Variants in PDCD11 observed in about 807,000 individuals in gnomAD.
PDCD11 encodes programmed cell death 11, also known as protein RRP5 homolog.
Under a neutral mutation model 198.9 loss-of-function variants are expected in PDCD11, and 97 were observed. The observed-to-expected ratio is 0.49, with a 90% CI of 0.41 to 0.58. PDCD11 has a LOEUF of 0.58. Ranked by LOEUF, PDCD11 falls within the 20% of genes least tolerant of loss-of-function variation. The probability of loss-of-function intolerance (pLI) is 0.00; values close to 1 mark genes in which losing one functional copy is unlikely to be tolerated. For synonymous variants in PDCD11, 893 were observed against 918.0 expected (o/e 0.97, Z 0.49); for missense variants, 2,102 against 2,312.7 (o/e 0.91, Z 1.87).
intron 2 of PDCD11, among the ~76,000 whole-genome samples, chr10:103,398,955 A>G (rs1229585884): frequency 1.3e-5 from 2 of 152,196 alleles, no homozygotes; most frequent in Non-Finnish European, 2.9e-5. Flanking sequence ...TGGAGGTTGC[A>G]CTGACCCAAT....
chr10:103,427,464 A>G (rs1334959218), intron 21 of PDCD11, 73 bp downstream of exon 21: 37 of 1,239,756 alleles, frequency 3.0e-5, no homozygotes, highest in Non-Finnish European at 8.0e-6. Context: ...CCGAATTCGA[A>G]TCTTGATTTT....
chr10:103,431,388 C>T (rs1369294849), intron 21 of PDCD11, among the ~76,000 whole-genome samples: 13 of 151,816 alleles, frequency 8.6e-5, no homozygotes, highest in African/African-American at 2.2e-4. Flanking sequence ...GTCAGGAGTT[C>T]GAGACCAGCC....
chr10:103,438,760 T>C lies in PDCD11; in HGVS notation c.3977T>C (p.Leu1326Pro), dbSNP rs1367426005. The C allele has an allele frequency of 3.1e-6, 5 of 1,614,072 alleles. No individual in the cohort carries two copies. Among genetic ancestry groups the C allele is most frequent in the Non-Finnish European group, 4.2e-6 (5 of 1,180,036 alleles). ...ATCCAGGACATTAAGGAAGGGCAGC[T>C]TCTGAGGGGCTATGTAGGGTCCATC... ...NSIQDIKEGQ[L>P]LRGYVGSIQP... is the part of the protein sequence containing the mutation. Residue 1326 changes from leucine (L) to proline (P), a missense_variant, in exon 27 of 36, where the codon CTT (leucine) becomes CCT (proline). By Grantham distance (98) the Leu-to-Pro change is moderately conservative. Transcript: ENST00000369797.
chr10:103,406,731 C>T lies in PDCD11; in HGVS notation c.811C>T (p.Gln271Ter). 1.2e-6 allele frequency: 2 copies of T among 1,614,166 alleles called. No individual in the cohort carries two copies. Among genetic ancestry groups the T allele is most frequent in the Non-Finnish European group, 1.7e-6 (2 of 1,180,016 alleles). The change falls in exon 7 of 36, where the codon CAG becomes TAG. Residue 271 changes from glutamine to a stop codon, truncating the protein, a stop_gained. Coordinates refer to ENST00000369797, the MANE Select transcript of PDCD11 (RefSeq NM_014976.2). LOFTEE classifies it high-confidence loss of function. Reference sequence around the variant, plus strand: ...TTCTACGGCCATTGCTACTGAACAGCAGAGCTGGAACCTTAATAACTTGCT... The same window carrying T: ...TTCTACGGCCATTGCTACTGAACAGTAGAGCTGGAACCTTAATAACTTGCT... ...EVSTAIATEQ[Q>*]SWNLNNLLPG...
chr10:103,407,685 C>T (rs1477589032), intron 7 of PDCD11, among the ~76,000 whole-genome samples: 1 of 152,138 alleles, frequency 6.6e-6, no homozygotes, highest in Non-Finnish European at 1.5e-5. Context: ...GCTGGGATTA[C>T]AGGCATGAGT....
intron 20 of PDCD11, among the ~76,000 whole-genome samples, chr10:103,426,455 A>T (rs757906643): frequency 6.6e-6 from 1 of 152,228 alleles, no homozygotes; most frequent in African/African-American, 2.4e-5. Context: ...GAATTGGAGT[A>T]TATAGACTGT....
Position 103,405,147 on chromosome 10 carries a change from C to CA in PDCD11, c.529dup (p.Arg177LysfsTer6). On this transcript the variant is annotated frameshift_variant, in exon 5 of 36. Coordinates refer to ENST00000369797, the MANE Select transcript of PDCD11 (RefSeq NM_014976.2). LOFTEE classifies it high-confidence loss of function. ...TGTCTCTGAACCCCAAAAATGTCAACAGAGTGCTGAGTGCTGAGGCCCTGA... is the reference window on the plus strand; with the variant it reads ...TGTCTCTGAACCCCAAAAATGTCAACAAGAGTGCTGAGTGCTGAGGCCCTGA... The CA allele has an allele frequency of 6.2e-7, 1 of 1,613,966 alleles. No homozygotes were observed. The highest frequency in any genetic ancestry group is 1.1e-5 in the South Asian group (1 of 91,054).
rs773286977 is a variant in PDCD11, at chr10:103,434,842, G to A, written c.3712G>A (p.Val1238Met). The A allele has an allele frequency of 6.2e-7, 1 of 1,612,332 alleles. No homozygotes were observed. Among genetic ancestry groups the A allele is most frequent in the African/African-American group, 1.3e-5 (1 of 74,740 alleles). ...AGGGGAAGTGGCCATGGGCCGAGTG[G>A]TGAAGGTGACTCCCAACGAGGGGCT... ...EEGEVAMGRV[V>M]KVTPNEGLTV... The change falls in exon 25 of 36, where the codon GTG (valine) becomes ATG (methionine). Residue 1238 changes from valine (V) to methionine (M), a missense_variant. Coordinates refer to ENST00000369797, the MANE Select transcript of PDCD11 (RefSeq NM_014976.2).
At position 103,438,733 on chromosome 10, in the gene PDCD11, C is replaced by A; in HGVS notation, c.3950C>A (p.Ser1317Tyr). Residue 1317 changes from serine (S) to tyrosine (Y), a missense_variant, in exon 27 of 36, where the codon TCC becomes TAC. Transcript: ENST00000369797. The stretch of plus-strand genomic sequence containing the variant: ...AAAGTAGAAGATCCAGAGATTAACT[C>A]CATCCAGGACATTAAGGAAGGGCAG... ...KSKVEDPEIN[S>Y]IQDIKEGQLL... The A allele has an allele frequency of 1.2e-6, 2 of 1,614,140 alleles. No homozygotes were observed. Among genetic ancestry groups the A allele is most frequent in the Non-Finnish European group, 1.7e-6 (2 of 1,180,012 alleles).
chr10:103,413,016 A>G (rs753003449), intron 8 of PDCD11, 100 bp from the exon 9 acceptor site: 9 of 859,846 alleles, frequency 1.0e-5, no homozygotes, highest in Non-Finnish European at 1.4e-5. Flanking sequence ...GAGTACTCAC[A>G]TACCTGGTTA....
chr10:103,432,814 C>T (rs1310276328), intron 22 of PDCD11, among the ~76,000 whole-genome samples: 1 of 152,220 alleles, frequency 6.6e-6, no homozygotes, highest in East Asian at 1.9e-4. Context: ...CATTCATACA[C>T]CCCAGATGCC....
chr10:103,419,554 C>T lies in PDCD11; in HGVS notation c.2123C>T (p.Pro708Leu). ...TACCACTAGCTTCTTTGCAGGAAGCCAGCCTTGGTCTCCACAGTAGAAGGT... is the reference window on the plus strand; with the variant it reads ...TACCACTAGCTTCTTTGCAGGAAGCTAGCCTTGGTCTCCACAGTAGAAGGT... ...SEGRVLLCRK[P>L]ALVSTVEGGQ... The change falls in exon 16 of 36, where the codon CCA becomes CTA. Residue 708 changes from proline (P) to leucine (L), a missense_variant. By Grantham distance (98) the Pro-to-Leu change is moderately conservative. Coordinates refer to ENST00000369797, the MANE Select transcript of PDCD11 (RefSeq NM_014976.2). The T allele has an allele frequency of 6.2e-7, 1 of 1,613,418 alleles. No homozygotes were observed. The highest frequency in any genetic ancestry group is 8.5e-7 in the Non-Finnish European group (1 of 1,179,726).
In PDCD11 at chr10:103,434,240, C is replaced by A; in HGVS notation, c.3565-8C>A. On this transcript the variant is annotated splice_region_variant and splice_polypyrimidine_tract_variant and intron_variant, in intron 23 of 35. Coordinates refer to ENST00000369797, the MANE Select transcript of PDCD11 (RefSeq NM_014976.2). ...TCAAGCATCACAGGAGTTTTTTTATCCTTCCAGGTTCTGAAGCATCCAGAT... is the reference window on the plus strand; with the variant it reads ...TCAAGCATCACAGGAGTTTTTTTATACTTCCAGGTTCTGAAGCATCCAGAT... 6.3e-7 allele frequency: 1 copy of A among 1,595,152 alleles called. No homozygotes were observed. The highest frequency in any genetic ancestry group is 8.6e-7 in the Non-Finnish European group (1 of 1,163,130).
chr10:103,422,466 G>A (rs1373409516), intron 17 of PDCD11, among the ~76,000 whole-genome samples: 1 of 151,008 alleles, frequency 6.6e-6, no homozygotes, highest in Non-Finnish European at 1.5e-5. Context: ...CATCCTAGAT[G>A]TCCTCTTCTC....
At position 103,419,661 on chromosome 10, in the gene PDCD11, G is replaced by T. The variant is rs149539197; in HGVS notation, c.2230G>T (p.Val744Leu). Residue 744 changes from valine (V) to leucine (L), a missense_variant, in exon 16 of 36, where the codon GTG becomes TTG. By Grantham distance (32) the Val-to-Leu change is conservative. Coordinates refer to ENST00000369797, the MANE Select transcript of PDCD11 (RefSeq NM_014976.2). Reference protein sequence around the residue: ...GFVKSIKDYGVFIQFPSGLSG... With the variant: ...GFVKSIKDYGLFIQFPSGLSG... ...TGTGAAGAGCATCAAGGACTATGGC[G>T]TGTTCATCCAGTTCCCCTCAGGTCT... 2 of 1,614,096 alleles carry T rather than the reference G, an allele frequency of 1.2e-6. No individual in the cohort carries two copies. Among genetic ancestry groups the T allele is most frequent in the East Asian group, 4.5e-5 (2 of 44,878 alleles).
Position 103,417,816 on chromosome 10 carries a change from T to C in PDCD11, c.1795T>C (p.Cys599Arg), listed in dbSNP as rs779145037. The C allele has an allele frequency of 4.3e-6, 7 of 1,614,024 alleles. No homozygotes were observed. Among genetic ancestry groups the C allele is most frequent in the South Asian group, 2.2e-5 (2 of 91,082 alleles). ...GGTGGTGAAGGTTGTCGTATTGAAC[T>C]GTGAGCCATCCAAAGAGAGGATGCT... ...GQVVKVVVLN[C>R]EPSKERMLLS... The change falls in exon 14 of 36, where the codon TGT becomes CGT. Residue 599 changes from cysteine (C) to arginine (R), a missense_variant. Physicochemically the swap from Cys to Arg is radical, Grantham distance 180 (BLOSUM62 -3). Coordinates refer to ENST00000369797, the MANE Select transcript of PDCD11 (RefSeq NM_014976.2).
At chr10:103,442,646 A>T (rs1343471802) in intron 32 of PDCD11, among the ~76,000 whole-genome samples, 186 bp downstream of exon 32, 1 of 152,156 alleles carries the variant, frequency 6.6e-6, no homozygotes, top group Middle Eastern at 3.2e-3. Context: ...ACTCATTTAT[A>T]TTTTATAGTC....
chr10:103,435,332 G>T (rs1429236742), intron 25 of PDCD11, among the ~76,000 whole-genome samples: 4 of 151,462 alleles, frequency 2.6e-5, no homozygotes, highest in African/African-American at 7.3e-5. Context: ...GTATTCTGGG[G>T]TTTTTTTAAT....
At chr10:103,398,608 ATG>A in intron 2 of PDCD11, 80 bp downstream of exon 2, 1 of 933,414 alleles carries the variant, frequency 1.1e-6, no homozygotes, top group Non-Finnish European at 1.7e-6. Flanking sequence ...TTATTTGAGA[ATG>A]TGTTATTTTT....
Sources: gnomAD v4.1 joint callset for allele counts (sites outside exome capture counted in the v4.1 genomes callset) on GRCh38, gnomAD v4.1.1 for gene constraint, MANE v1.5 for transcripts, NCBI Gene and HGNC (gene_info 2026-07-23, HGNC 2026-07-21) for gene names.